GRHL2: variants seen among roughly 807,000 people sequenced by gnomAD.
The protein encoded by GRHL2 is grainyhead like transcription factor 2.
Under a neutral mutation model 83.8 loss-of-function variants are expected in GRHL2, and 21 were observed. The ratio of observed to expected loss-of-function variants is 0.25; its 90% confidence interval spans 0.18 to 0.36. The LOEUF is 0.36. Among genes scored for constraint, GRHL2 ranks in the 10% least tolerant of loss-of-function variants. GRHL2 has a pLI of 1.00. For missense variants in GRHL2, 623 were observed against 781.8 expected, an observed-to-expected ratio of 0.80 and a Z score of 2.42; for synonymous variants, 280 against 278.9, an observed-to-expected ratio of 1.00 and a Z score of -0.04.
In GRHL2 at chr8:101,592,606, G is replaced by A. The variant is rs535280323; in HGVS notation, c.1004-6451G>A. 1.6e-4 allele frequency among the ~76,000 whole-genome samples: 24 copies of A among 152,292 alleles called. No individual in the cohort carries two copies. The South Asian group carries it at 3.1e-3, about 20-fold the overall frequency. ...GGCCACATTCTAGACCTATGGAATCGGAATCTCTGAGAGTGGACAGAGAAT... is the reference window on the plus strand; with the variant it reads ...GGCCACATTCTAGACCTATGGAATCAGAATCTCTGAGAGTGGACAGAGAAT... On this transcript the variant is annotated intron_variant, in intron 7 of 15. Transcript: ENST00000646743.
chr8:101,562,106 GCTTTACTT>G, intron 4 of GRHL2: 2 of 670,764 alleles, frequency 3.0e-6, no homozygotes, highest in South Asian at 2.7e-5. Context: ...TGGATGTTTT[GCTTTACTT>G]CTTTGATATC....
intron 1 of GRHL2, among the ~76,000 whole-genome samples, chr8:101,494,948 G>A (rs1810064574): frequency 6.6e-6 from 1 of 152,238 alleles, no homozygotes; most frequent in Non-Finnish European, 1.5e-5. Flanking sequence ...AATGGTGCAA[G>A]GAGATAATTC....
At chr8:101,612,142 A>G (rs142605010) in intron 8 of GRHL2, among the ~76,000 whole-genome samples, 6 of 150,988 alleles carry the variant, frequency 4.0e-5, no homozygotes, top group Middle Eastern at 3.4e-3. Context: ...GGCATGTACC[A>G]CCATGCCCGG....
intron 1 of GRHL2, among the ~76,000 whole-genome samples, chr8:101,514,477 AG>A (rs1481552828): frequency 6.6e-6 from 1 of 152,184 alleles, no homozygotes; most frequent in East Asian, 1.9e-4. Flanking sequence ...AGGGCTGGAG[AG>A]GTACCCAGCA....
At chr8:101,647,676 T>C (rs1813539160) in intron 13 of GRHL2, among the ~76,000 whole-genome samples, 2 of 152,200 alleles carry the variant, frequency 1.3e-5, no homozygotes, top group Admixed American at 1.3e-4. Flanking sequence ...ATTTATTTAA[T>C]TGGTGTTTTA....
At chr8:101,573,993 A>G in intron 6 of GRHL2, 169 bp downstream of exon 6, 1 of 753,776 alleles carries the variant, frequency 1.3e-6, no homozygotes, top group Non-Finnish European at 2.2e-6. Flanking sequence ...GTAGTTGATC[A>G]TTGTAATCAG....
At chr8:101,586,465 C>T (rs113074157) in intron 7 of GRHL2, among the ~76,000 whole-genome samples, 16 of 152,330 alleles carry the variant, frequency 1.1e-4, no homozygotes, top group African/African-American at 3.8e-4. Flanking sequence ...CACCTTGAGA[C>T]CTTGTTCCCT....
chr8:101,678,598 C>G, the GRHL2 span, among the ~76,000 whole-genome samples: 9 of 151,654 alleles, frequency 5.9e-5, no homozygotes, highest in Non-Finnish European at 1.2e-4. Flanking sequence ...AGGAGGCCTG[C>G]CTGCCTCTGT....
intron 1 of GRHL2, among the ~76,000 whole-genome samples, chr8:101,525,645 C>T (rs988359790): frequency 2.0e-5 from 3 of 152,128 alleles, no homozygotes; most frequent in African/African-American, 7.2e-5. Context: ...TGTGTACCAC[C>T]ACACCCGGCT....
At chr8:101,630,240 G>C (rs1813159259) in intron 9 of GRHL2, among the ~76,000 whole-genome samples, 2 of 152,108 alleles carry the variant, frequency 1.3e-5, no homozygotes. Context: ...ATGGCGTCAT[G>C]CTGGCCAGAA....
intron 1 of GRHL2, among the ~76,000 whole-genome samples, chr8:101,530,800 A>C (rs1233377305): frequency 1.3e-5 from 2 of 152,156 alleles, no homozygotes; most frequent in Non-Finnish European, 2.9e-5. Flanking sequence ...TATTACTCTG[A>C]ATTTGGATAT....
intron 8 of GRHL2, among the ~76,000 whole-genome samples, chr8:101,612,798 A>G (rs749698359): frequency 1.3e-5 from 2 of 151,054 alleles, no homozygotes; most frequent in Non-Finnish European, 2.9e-5. Context: ...ACTGTCTACC[A>G]TGGGCCTAGT....
chr8:101,603,903 A>T (rs942488265), intron 8 of GRHL2, among the ~76,000 whole-genome samples: 3 of 151,606 alleles, frequency 2.0e-5, no homozygotes, highest in Non-Finnish European at 4.4e-5. Context: ...CAGCAGAAAG[A>T]GCACTGAAAT....
At chr8:101,673,580 G>A (rs1346433306), downstream of GRHL2, among the ~76,000 whole-genome samples, 4 of 150,442 alleles carry the variant, frequency 2.7e-5, no homozygotes, top group East Asian at 7.8e-4. Context: ...CAAGTCCTTA[G>A]AGACCTACAA....
chr8:101,671,438 T>G (rs1014177861), downstream of GRHL2, among the ~76,000 whole-genome samples: 1 of 152,050 alleles, frequency 6.6e-6, no homozygotes, highest in Non-Finnish European at 1.5e-5. Context: ...GAGATCAAAC[T>G]GCAAGGCGGC....
chr8:101,565,671 C>T (rs949565018), intron 4 of GRHL2, among the ~76,000 whole-genome samples: 2 of 152,144 alleles, frequency 1.3e-5, no homozygotes, highest in Admixed American at 1.3e-4. Flanking sequence ...CTGGAAGTGG[C>T]GCAACTGCAC....
intron 4 of GRHL2, among the ~76,000 whole-genome samples, chr8:101,560,289 G>A (rs111411171): frequency 0.028 from 4,250 of 152,244 alleles, 207 homozygotes; most frequent in African/African-American, 0.097. Context: ...TCGGCCTCCC[G>A]AAGTGCTGGG....
intron 9 of GRHL2, among the ~76,000 whole-genome samples, chr8:101,621,026 G>T (rs1384619388): frequency 2.6e-5 from 4 of 151,996 alleles, no homozygotes; most frequent in Non-Finnish European, 5.9e-5. Flanking sequence ...AAGATGGGAC[G>T]GGATACAGAG....
At chr8:101,526,045 C>T (rs1244104249) in intron 1 of GRHL2, among the ~76,000 whole-genome samples, 2 of 152,224 alleles carry the variant, frequency 1.3e-5, no homozygotes, top group Non-Finnish European at 2.9e-5. Context: ...ATTTTTGCAA[C>T]TTTCTTTAAT....
Sources: allele counts gnomAD v4.1 joint callset (sites outside exome capture counted in the v4.1 genomes callset), GRCh38; gene constraint gnomAD v4.1.1; transcripts MANE v1.5; gene names NCBI Gene and HGNC (gene_info 2026-07-23, HGNC 2026-07-21).